Variants in NPNT observed in about 807,000 individuals in gnomAD.
NPNT encodes the protein preosteoblast EGF-like repeat protein with MAM domain.
Under a neutral mutation model 68.6 loss-of-function variants are expected in NPNT, and 45 were observed. That is an observed-to-expected ratio of 0.66 (90% CI 0.52 to 0.84). The LOEUF (loss-of-function observed/expected upper bound fraction) is 0.84, where lower values mean the gene tolerates loss of function less well. Among genes scored for constraint, NPNT ranks in the 40% least tolerant of loss-of-function variants. The pLI is 0.00. For missense variants in NPNT, 672 were observed against 714.8 expected, an observed-to-expected ratio of 0.94 and a Z score of 0.68; for synonymous variants, 233 against 253.3, an observed-to-expected ratio of 0.92 and a Z score of 0.76.
At chr4:105,944,414 G>A (rs183817169) in intron 8 of NPNT, among the ~76,000 whole-genome samples, 5 of 152,034 alleles carry the variant, frequency 3.3e-5, no homozygotes, top group Non-Finnish European at 5.9e-5. Flanking sequence ...AAGATGATAC[G>A]CTAAATATTT....
chr4:105,970,252 C>T lies in NPNT; in HGVS notation c.*1262C>T, dbSNP rs1192225235. 1 of 572,674 alleles carries T rather than the reference C, an allele frequency of 1.7e-6. No homozygotes were observed. The highest frequency in any genetic ancestry group is 1.9e-5 in the African/African-American group (1 of 53,324). The allele number at this position is 572,674 out of a possible 1,614,324, so 35.5% of individuals were successfully genotyped here. A position where few individuals can be genotyped will look rare whatever the true frequency, so the allele number is the denominator to read the frequency against. On this transcript the variant is annotated 3_prime_UTR_variant, in exon 12 of 12. Transcript: ENST00000379987. ...AGTTGGAATTCTAAGATCCATGAAC[C>T]CCCAACTGTATTTCCTCCCTGCATA...
intron 2 of NPNT, among the ~76,000 whole-genome samples, chr4:105,909,331 T>C (rs1239761613): frequency 6.6e-6 from 1 of 152,160 alleles, no homozygotes; most frequent in Non-Finnish European, 1.5e-5. Context: ...TTTTACATCA[T>C]TGAAGAATTA....
chr4:105,957,744 T>G (rs895618371), intron 8 of NPNT, among the ~76,000 whole-genome samples: 1 of 152,156 alleles, frequency 6.6e-6, no homozygotes, highest in African/African-American at 2.4e-5. Context: ...TGATTCTGCC[T>G]GGGGCAGAAT....
intron 5 of NPNT, 102 bp from the exon 6 acceptor site, chr4:105,939,973 T>C: frequency 1.0e-6 from 1 of 974,072 alleles, no homozygotes; most frequent in Non-Finnish European, 1.6e-6. Context: ...GATGAGCCAC[T>C]ATATGCTAGG....
At chr4:105,956,649 C>T (rs544000754) in intron 8 of NPNT, among the ~76,000 whole-genome samples, 90 of 152,260 alleles carry the variant, frequency 5.9e-4, no homozygotes, top group Middle Eastern at 6.8e-3. Context: ...CAAGAAAGCA[C>T]GCTTGTCTAC....
chr4:105,945,489 C>T (rs780866488), intron 8 of NPNT, among the ~76,000 whole-genome samples: 19 of 152,126 alleles, frequency 1.2e-4, no homozygotes, highest in Non-Finnish European at 2.1e-4. Context: ...CTTTCTTATC[C>T]CAGGTAATGG....
At position 105,967,238 on chromosome 4, in the gene NPNT, G is replaced by A; in HGVS notation, c.1396G>A (p.Ala466Thr). The change falls in exon 11 of 12, where the codon GCA (alanine) becomes ACA (threonine). Residue 466 changes from alanine (A) to threonine (T), a missense_variant. By Grantham distance (58) the Ala-to-Thr change is moderately conservative (BLOSUM62 0). Transcript: ENST00000379987. ...AGCCAAAGCCCCAGGGGGAAAAGCTGCACGCTTGGTGCTACCTCTCGGCCG... is the reference window on the plus strand; with the variant it reads ...AGCCAAAGCCCCAGGGGGAAAAGCTACACGCTTGGTGCTACCTCTCGGCCG... Reference protein sequence around the residue: ...SAAKAPGGKAARLVLPLGRLM... With the variant: ...SAAKAPGGKATRLVLPLGRLM... 2 of 1,613,988 alleles carry A rather than the reference G, an allele frequency of 1.2e-6. No individual in the cohort carries two copies. The highest frequency in any genetic ancestry group is 2.2e-5 in the South Asian group (2 of 91,062).
chr4:105,954,401 T>C (rs888292197), intron 8 of NPNT, among the ~76,000 whole-genome samples: 10 of 152,330 alleles, frequency 6.6e-5, no homozygotes, highest in African/African-American at 2.4e-4. Context: ...TGAACATTCA[T>C]GGTTGATGTT....
In NPNT at chr4:105,968,837, AAGGAGGCATTAGAAAGGGGCAG is replaced by A. The variant is rs1732371053; in HGVS notation, c.1603-50_1603-29del. The A allele has an allele frequency of 1.4e-5, 14 of 983,058 alleles. No homozygotes were observed. In the Admixed American group the frequency reaches 3.0e-4, roughly 21 times the overall value. 60.9% of individuals were successfully genotyped at this position (983,058 alleles called of 1,614,324 possible). A position where few individuals can be genotyped will look rare whatever the true frequency, so the allele number is the denominator to read the frequency against. On this transcript the variant is annotated intron_variant, in intron 11 of 11. Coordinates refer to ENST00000379987, the MANE Select transcript of NPNT (RefSeq NM_001033047.3). ...AGGTTTGCCTTTATTTTTGCTTAATAAGGAGGCATTAGAAAGGGGCAGAGGAGGCTTGACTGGTGTGTGCATT... is the reference window on the plus strand; with the variant it reads ...AGGTTTGCCTTTATTTTTGCTTAATAAGGAGGCTTGACTGGTGTGTGCATT...
intron 3 of NPNT, among the ~76,000 whole-genome samples, chr4:105,929,859 A>G (rs968630626): frequency 2.0e-5 from 3 of 152,040 alleles, no homozygotes; most frequent in African/African-American, 7.2e-5. Flanking sequence ...ATCACTGGGT[A>G]GCTCCTATTT....
intron 8 of NPNT, among the ~76,000 whole-genome samples, chr4:105,956,911 C>T (rs1355717794): frequency 6.6e-6 from 1 of 151,858 alleles, no homozygotes; most frequent in Non-Finnish European, 1.5e-5. Context: ...ACGTTTGAAA[C>T]AAAAAGGAAA....
At chr4:105,905,290 G>C (rs140535735) in intron 2 of NPNT, among the ~76,000 whole-genome samples, 20 of 152,096 alleles carry the variant, frequency 1.3e-4, no homozygotes, top group African/African-American at 4.8e-4. Context: ...TACTTAAATT[G>C]TCTCCTTTTA....
At chr4:105,928,263 C>T (rs978560752) in intron 3 of NPNT, among the ~76,000 whole-genome samples, 13 of 152,082 alleles carry the variant, frequency 8.5e-5, no homozygotes, top group African/African-American at 2.7e-4. Flanking sequence ...ATGTGATCCT[C>T]GAACTCATGC....
At position 105,970,347 on chromosome 4, in the gene NPNT, G is replaced by T; in HGVS notation, c.*1357G>T. 2 of 683,386 alleles carry T rather than the reference G, an allele frequency of 2.9e-6. No individual in the cohort carries two copies. The highest frequency in any genetic ancestry group is 3.1e-5 in the South Asian group (2 of 63,920). The allele number at this position is 683,386 out of a possible 1,614,324, so 42.3% of individuals were successfully genotyped here. ...ATTCCTGAGGTTTGTCTTAATTTCT[G>T]ATTAAGTAATCAGAATATTTTCTGC... On this transcript the variant is annotated 3_prime_UTR_variant, in exon 12 of 12. Coordinates refer to ENST00000379987, the MANE Select transcript of NPNT (RefSeq NM_001033047.3).
intron 2 of NPNT, among the ~76,000 whole-genome samples, chr4:105,908,544 A>G (rs1727099084): frequency 6.6e-6 from 1 of 151,714 alleles, no homozygotes; most frequent in Admixed American, 6.6e-5. Flanking sequence ...GCCAAAAACC[A>G]TGTTGATTTT....
intron 6 of NPNT, 69 bp from the exon 7 acceptor site, chr4:105,940,443 CTG>C (rs1326470434): frequency 5.5e-6 from 8 of 1,450,278 alleles, no homozygotes; most frequent in African/African-American, 1.4e-5. Flanking sequence ...ATTTTTGAAA[CTG>C]TATATATTTT....
intron 8 of NPNT, among the ~76,000 whole-genome samples, chr4:105,949,794 A>G (rs1414926633): frequency 6.6e-6 from 1 of 152,216 alleles, no homozygotes; most frequent in African/African-American, 2.4e-5. Flanking sequence ...AAAAGTACAA[A>G]GCTGTACCTG....
chr4:105,912,614 G>T, intron 2 of NPNT: 1 of 943,240 alleles, frequency 1.1e-6, no homozygotes, highest in Admixed American at 5.7e-5. Flanking sequence ...TGAGGGAGTT[G>T]TATTTCATAT....
chr4:105,950,250 C>T (rs1483552745), intron 8 of NPNT, among the ~76,000 whole-genome samples: 1 of 152,082 alleles, frequency 6.6e-6, no homozygotes, highest in Admixed American at 6.6e-5. Flanking sequence ...TATAACATCA[C>T]TTGGACCAGG....
Sources: allele counts gnomAD v4.1 joint callset (sites outside exome capture counted in the v4.1 genomes callset), GRCh38; gene constraint gnomAD v4.1.1; transcripts MANE v1.5; gene names NCBI Gene and HGNC (gene_info 2026-07-23, HGNC 2026-07-21).